TM7SF3: variants seen among roughly 807,000 people sequenced by gnomAD.
The protein encoded by TM7SF3 is transmembrane 7 superfamily member 3, also known as seven span transmembrane protein.
In TM7SF3, 60 loss-of-function variants were observed where a neutral mutation model predicts 65.5. That is an observed-to-expected ratio of 0.92 (90% CI 0.74 to 1.14). The LOEUF (loss-of-function observed/expected upper bound fraction) is 1.14. TM7SF3 is among the 50% of genes most tolerant of loss of function. The pLI is 0.00. For synonymous variants in TM7SF3, 264 were observed against 259.6 expected (o/e 1.02, Z -0.16); for missense variants, 623 against 684.8 (o/e 0.91, Z 1.01).
chr12:26,998,193 T>C (rs752945137), intron 3 of TM7SF3, among the ~76,000 whole-genome samples: 16 of 152,164 alleles, frequency 1.1e-4, no homozygotes, highest in Non-Finnish European at 1.9e-4. Context: ...TACTCCACAG[T>C]GTTGTGCTTA....
At chr12:26,999,756 C>A in intron 2 of TM7SF3, 80 bp from the exon 3 acceptor site, 1 of 1,421,970 alleles carries the variant, frequency 7.0e-7, no homozygotes, top group Non-Finnish European at 9.6e-7. Flanking sequence ...TGTGCATGTC[C>A]TATTCCAAAT....
At position 27,014,104 on chromosome 12, in the gene TM7SF3, G is replaced by A. The variant is rs555185540; in HGVS notation, c.65C>T (p.Ala22Val). The A allele has an allele frequency of 1.3e-4, 203 of 1,572,778 alleles. 5 individuals are homozygous for A. The South Asian group carries it at 2.3e-3, about 18-fold the overall frequency. ...CTCGCTGGAATTCCCGAAGACCTCG[G>A]CTGCACCAGCCACCCGGTGTTCGGA... ...LASEHRVAGAAEVFGNSSEGL... is the reference protein window; with the variant it reads ...LASEHRVAGAVEVFGNSSEGL... The change falls in exon 1 of 12, where the codon GCC becomes GTC. Residue 22 changes from alanine to valine, a missense_variant. By Grantham distance (64) the Ala-to-Val change is moderately conservative. Transcript: ENST00000343028.
At chr12:26,995,895 G>A (rs1307416909) in intron 4 of TM7SF3, among the ~76,000 whole-genome samples, 1 of 152,180 alleles carries the variant, frequency 6.6e-6, no homozygotes. Context: ...CCCAGTCTGT[G>A]CTACTTTGTT....
chr12:26,994,061 A>C (rs1054673308), intron 5 of TM7SF3, among the ~76,000 whole-genome samples: 1 of 152,196 alleles, frequency 6.6e-6, no homozygotes, highest in Non-Finnish European at 1.5e-5. Context: ...TTCTGGTACA[A>C]AATATTCTTT....
At chr12:26,977,270 C>T (rs1307096041) in intron 9 of TM7SF3, among the ~76,000 whole-genome samples, 1 of 152,190 alleles carries the variant, frequency 6.6e-6, no homozygotes, top group Non-Finnish European at 1.5e-5. Context: ...TCACAAAATA[C>T]ATATGTGGCT....
At chr12:26,999,755 C>T in intron 2 of TM7SF3, 79 bp from the exon 3 acceptor site, 1 of 1,436,558 alleles carries the variant, frequency 7.0e-7, no homozygotes, top group South Asian at 1.3e-5. Context: ...GTGTGCATGT[C>T]CTATTCCAAA....
At chr12:27,003,146 G>C (rs1412744211) in intron 2 of TM7SF3, 90 bp downstream of exon 2, 2 of 886,402 alleles carry the variant, frequency 2.3e-6, no homozygotes, top group African/African-American at 3.4e-5. Context: ...ACATAAAAGA[G>C]ATAGAGATAT....
At chr12:27,002,352 C>T (rs11048807) in intron 2 of TM7SF3, among the ~76,000 whole-genome samples, 32,793 of 151,642 alleles carry the variant, frequency 0.22, 3,733 homozygotes, top group East Asian at 0.47. Context: ...CCTGTAGTTC[C>T]AGGATCACTT....
rs769705206 is a variant in TM7SF3, at chr12:26,979,988, G to A, written c.1037-52C>T. On this transcript the variant is annotated intron_variant, in intron 8 of 11. Coordinates refer to ENST00000343028, the MANE Select transcript of TM7SF3 (RefSeq NM_016551.3). Reference sequence around the variant, plus strand: ...TGGATAACCGGCAGTACTTCCAACCGCGTGCCTTAGACATACAATACCGTT... The same window carrying A: ...TGGATAACCGGCAGTACTTCCAACCACGTGCCTTAGACATACAATACCGTT... The A allele has an allele frequency of 3.5e-5, 57 of 1,605,984 alleles. No individual in the cohort carries two copies. In the East Asian group the frequency reaches 7.4e-4, roughly 21 times the overall value.
intron 1 of TM7SF3, among the ~76,000 whole-genome samples, chr12:27,004,156 G>C (rs1484405609): frequency 1.3e-5 from 2 of 152,144 alleles, no homozygotes; most frequent in African/African-American, 4.8e-5. Context: ...CACTGACTCT[G>C]TCCCCACTTC....
chr12:26,989,668 T>TACAC (rs144274236), intron 6 of TM7SF3, among the ~76,000 whole-genome samples: 12,156 of 150,230 alleles, frequency 0.081, 569 homozygotes, highest in East Asian at 0.19. Flanking sequence ...AACTGCTAAA[T>TACAC]ACACACACAC....
chr12:27,000,990 G>A (rs1940808982), intron 2 of TM7SF3, among the ~76,000 whole-genome samples: 1 of 151,934 alleles, frequency 6.6e-6, no homozygotes, highest in Non-Finnish European at 1.5e-5. Context: ...CTAAGGAAAT[G>A]GGAAGGAAAA....
intron 1 of TM7SF3, among the ~76,000 whole-genome samples, chr12:27,006,088 C>T (rs1269207246): frequency 6.6e-6 from 1 of 151,726 alleles, no homozygotes; most frequent in African/African-American, 2.4e-5. Context: ...GCATGAGCTA[C>T]CCTGCCCGGC....
chr12:27,004,755 T>TTAA (rs1491455892), intron 1 of TM7SF3, among the ~76,000 whole-genome samples: 1 of 152,198 alleles, frequency 6.6e-6, no homozygotes, highest in Non-Finnish European at 1.5e-5. Context: ...CATTCATAAC[T>TTAA]TAATGTTTTT....
At chr12:26,991,037 GCAGA>G (rs1300993581) in intron 5 of TM7SF3, among the ~76,000 whole-genome samples, 2 of 152,068 alleles carry the variant, frequency 1.3e-5, no homozygotes, top group East Asian at 1.9e-4. Context: ...ACAGACTAAC[GCAGA>G]CAGTCTGTTA....
intron 5 of TM7SF3, 138 bp from the exon 6 acceptor site, chr12:26,990,765 A>T: frequency 1.6e-6 from 1 of 613,972 alleles, no homozygotes; most frequent in South Asian, 2.3e-5. Flanking sequence ...AACCCATTTA[A>T]TATGGTCAAA....
chr12:27,003,842 C>A (rs1940930100), intron 1 of TM7SF3, among the ~76,000 whole-genome samples: 1 of 152,156 alleles, frequency 6.6e-6, no homozygotes. Context: ...CAATTTAATA[C>A]CGGTGTTTAC....
chr12:26,994,210 G>A (rs559831428), intron 5 of TM7SF3, among the ~76,000 whole-genome samples: 20 of 152,266 alleles, frequency 1.3e-4, no homozygotes, highest in South Asian at 1.0e-3. Flanking sequence ...CTTATTTTGT[G>A]AATAAGCACA....
Position 26,990,579 on chromosome 12 carries a change from G to C in TM7SF3, c.739C>G (p.Leu247Val). ...TTGTATATGACACCTTGTCCCGGGA[G>C]GGAGGAGAAGGAAACACTTGTCTTA... is the stretch of plus-strand genomic sequence containing the variant. ...NDKTSVSFSS[L>V]PGQGVIYNVI... The change falls in exon 6 of 12, where the codon CTC (leucine) becomes GTC (valine). Residue 247 changes from leucine to valine, a missense_variant. Physicochemically the swap from Leu to Val is conservative, Grantham distance 32. Transcript: ENST00000343028. 6.2e-7 allele frequency: 1 copy of C among 1,614,086 alleles called. No individual in the cohort carries two copies. The highest frequency in any genetic ancestry group is 1.1e-5 in the South Asian group (1 of 91,070).
Sources: allele counts gnomAD v4.1 joint callset (sites outside exome capture counted in the v4.1 genomes callset), GRCh38; gene constraint gnomAD v4.1.1; transcripts MANE v1.5; gene names NCBI Gene and HGNC (gene_info 2026-07-23, HGNC 2026-07-21).